Variants in HOOK3 observed in about 807,000 individuals in gnomAD.
HOOK3 encodes hook microtubule tethering protein 3, also known as protein Hook homolog 3.
A neutral mutation model predicts 116.3 loss-of-function variants in HOOK3; 24 were observed. The observed-to-expected ratio is 0.21, with a 90% CI of 0.15 to 0.29. HOOK3 has a LOEUF of 0.29. Among genes scored for constraint, HOOK3 ranks in the 10% least tolerant of loss-of-function variants. HOOK3 has a pLI of 1.00. For synonymous variants in HOOK3, 275 were observed against 283.0 expected, an observed-to-expected ratio of 0.97 and a Z score of 0.28; for missense variants, 632 against 830.2, an observed-to-expected ratio of 0.76 and a Z score of 2.93.
chr8:42,934,092 ACTTTT>A (rs1171498362), intron 4 of HOOK3, among the ~76,000 whole-genome samples: 4 of 151,522 alleles, frequency 2.6e-5, no homozygotes, highest in Middle Eastern at 3.4e-3. Flanking sequence ...TTATTACTTT[ACTTTT>A]CTTTACTTTA....
intron 2 of HOOK3, among the ~76,000 whole-genome samples, chr8:42,918,933 T>C (rs1255264828): frequency 6.6e-6 from 1 of 152,206 alleles, no homozygotes; most frequent in Non-Finnish European, 1.5e-5. Context: ...AGCTGTTGGG[T>C]ACACCTCCCA....
intron 5 of HOOK3, among the ~76,000 whole-genome samples, chr8:42,948,560 C>T (rs1808279054): frequency 6.6e-6 from 1 of 152,168 alleles, no homozygotes; most frequent in Admixed American, 6.6e-5. Context: ...ATTTCCTTCA[C>T]TTTCAATAGG....
At chr8:42,951,460 A>G (rs768185906) in intron 6 of HOOK3, among the ~76,000 whole-genome samples, 37 of 152,338 alleles carry the variant, frequency 2.4e-4, no homozygotes, top group Non-Finnish European at 2.6e-4. Flanking sequence ...TTCCCAAAGC[A>G]ATTTCTAGAT....
intron 13 of HOOK3, among the ~76,000 whole-genome samples, chr8:42,981,748 G>C (rs1808949293): frequency 6.6e-6 from 1 of 151,458 alleles, no homozygotes; most frequent in African/African-American, 2.4e-5. Flanking sequence ...GCTGGGCGTG[G>C]TGGTGGGCAC....
chr8:43,007,000 C>T (rs1392160769), intron 17 of HOOK3, among the ~76,000 whole-genome samples: 3 of 146,074 alleles, frequency 2.1e-5, no homozygotes, highest in Admixed American at 6.9e-5. Flanking sequence ...ATAAAGTACA[C>T]GTCTTAAGTT....
chr8:42,942,673 A>C (rs542127905), intron 4 of HOOK3, among the ~76,000 whole-genome samples: 3 of 152,270 alleles, frequency 2.0e-5, no homozygotes, highest in Admixed American at 6.5e-5. Flanking sequence ...AGACTTCTCA[A>C]ATGTTTTAAT....
chr8:42,924,547 G>A (rs763007916), intron 2 of HOOK3, among the ~76,000 whole-genome samples: 7 of 151,936 alleles, frequency 4.6e-5, no homozygotes, highest in Non-Finnish European at 8.8e-5. Context: ...ATAGATTCTC[G>A]GTATATATTA....
chr8:42,943,452 T>C lies in HOOK3; in HGVS notation c.400+7T>C. 1 of 1,424,716 alleles carries C rather than the reference T, an allele frequency of 7.0e-7. No individual in the cohort carries two copies. Among genetic ancestry groups the C allele is most frequent in the Non-Finnish European group, 9.3e-7 (1 of 1,078,258 alleles). 88.3% of individuals were successfully genotyped at this position (1,424,716 alleles called of 1,614,324 possible). On this transcript the variant is annotated splice_region_variant and intron_variant, in intron 5 of 21. Transcript: ENST00000307602. ...AACTGTGAACAGAAGCAAGGTAATTTGTTTCAAGTTAGTGTTTGCATTTAA... is the reference window on the plus strand; with the variant it reads ...AACTGTGAACAGAAGCAAGGTAATTCGTTTCAAGTTAGTGTTTGCATTTAA...
At chr8:42,965,979 A>G (rs1421716659) in intron 9 of HOOK3, among the ~76,000 whole-genome samples, 6 of 152,344 alleles carry the variant, frequency 3.9e-5, no homozygotes, top group African/African-American at 1.2e-4. Context: ...CATGTCACCA[A>G]CAGATGAATG....
chr8:42,976,184 A>G (rs1409560074), intron 13 of HOOK3, among the ~76,000 whole-genome samples: 1 of 152,060 alleles, frequency 6.6e-6, no homozygotes, highest in Admixed American at 6.6e-5. Context: ...AGTGCTATTC[A>G]GGTTAGGGGC....
chr8:42,945,637 T>C (rs1808212453), intron 5 of HOOK3, among the ~76,000 whole-genome samples: 1 of 152,158 alleles, frequency 6.6e-6, no homozygotes. Flanking sequence ...AACATTTTCA[T>C]TCAGTTATTT....
chr8:43,008,657 A>T (rs1258529319), intron 18 of HOOK3, among the ~76,000 whole-genome samples: 115 of 143,886 alleles, frequency 8.0e-4, no homozygotes, highest in Admixed American at 1.9e-3. Flanking sequence ...TTTTATTTTT[A>T]TTTTTATTTT....
At chr8:42,999,449 A>T (rs984116240) in intron 16 of HOOK3, among the ~76,000 whole-genome samples, 6 of 152,250 alleles carry the variant, frequency 3.9e-5, no homozygotes, top group African/African-American at 1.4e-4. Context: ...GCTTAGAGAA[A>T]TAAGTAGTAC....
At chr8:42,900,351 A>C (rs147659330) in intron 1 of HOOK3, among the ~76,000 whole-genome samples, 1 of 152,320 alleles carries the variant, frequency 6.6e-6, no homozygotes, top group Non-Finnish European at 1.5e-5. Flanking sequence ...AAAAGATAGC[A>C]CTTTTCCAGG....
In HOOK3 at chr8:43,020,402, G is replaced by A. The variant is rs1176312551; in HGVS notation, c.*1904G>A. 1.0e-5 allele frequency: 2 copies of A among 191,626 alleles called. No homozygotes were observed. The highest frequency in any genetic ancestry group is 2.2e-5 in the Non-Finnish European group (2 of 91,622). 11.9% of individuals were successfully genotyped at this position (191,626 alleles called of 1,614,324 possible). On this transcript the variant is annotated 3_prime_UTR_variant, in exon 22 of 22. Transcript: ENST00000307602. ...TCTACCCGTGTTTCACAAATAGCCTGAGGATCCAACTATTTTTAAAGCAAA... is the reference window on the plus strand; with the variant it reads ...TCTACCCGTGTTTCACAAATAGCCTAAGGATCCAACTATTTTTAAAGCAAA...
At chr8:43,008,911 G>A (rs1023119299) in intron 18 of HOOK3, among the ~76,000 whole-genome samples, 28 of 150,964 alleles carry the variant, frequency 1.9e-4, no homozygotes, top group Admixed American at 1.5e-3. Context: ...CGCCCGCCTC[G>A]GCCTCCCAAA....
chr8:43,001,190 T>C (rs1345556301), intron 16 of HOOK3: 1 of 151,904 alleles, frequency 6.6e-6, no homozygotes, highest in Non-Finnish European at 1.5e-5. Flanking sequence ...GACATGTGGA[T>C]CTACTGAGGT....
In HOOK3 at chr8:42,966,493, A is replaced by G. The variant is rs563122370; in HGVS notation, c.800A>G (p.Asp267Gly). Residue 267 changes from aspartate (D) to glycine (G), a missense_variant, in exon 10 of 22, where the codon GAT becomes GGT. Coordinates refer to ENST00000307602, the MANE Select transcript of HOOK3 (RefSeq NM_032410.4). The stretch of plus-strand genomic sequence containing the variant: ...TACAGACTAGAAGCAGCCAAAGATG[A>G]TTATCGAATACGTTGTGAAGAGTTA... ...ETFRLEAAKD[D>G]YRIRCEELEK... 1 of 1,614,182 alleles carries G rather than the reference A, an allele frequency of 6.2e-7. No homozygotes were observed.
chr8:42,908,173 C>T (rs1443788212), intron 2 of HOOK3, among the ~76,000 whole-genome samples: 1 of 152,070 alleles, frequency 6.6e-6, no homozygotes, highest in Non-Finnish European at 1.5e-5. Flanking sequence ...AAGTTGAAGT[C>T]TGCAATAAAG....
Sources: gnomAD v4.1 joint callset for allele counts (sites outside exome capture counted in the v4.1 genomes callset) on GRCh38, gnomAD v4.1.1 for gene constraint, MANE v1.5 for transcripts, NCBI Gene and HGNC (gene_info 2026-07-23, HGNC 2026-07-21) for gene names.